Variants in SMG1 observed in about 807,000 individuals in gnomAD.
SMG1 encodes the protein SMG1 nonsense mediated mRNA decay associated PI3K related kinase.
In SMG1, 22 loss-of-function variants were observed where a neutral mutation model predicts 419.9. The ratio of observed to expected loss-of-function variants is 0.05; its 90% CI spans 0.04 to 0.07. The LOEUF is 0.07. SMG1 is among the 10% of genes least tolerant of loss of function. SMG1 has a pLI of 1.00. For synonymous variants in SMG1, 1,538 were observed against 1,553.5 expected, an observed-to-expected ratio of 0.99 and a Z score of 0.23; for missense variants, 3,185 against 4,342.0, an observed-to-expected ratio of 0.73 and a Z score of 7.49.
At chr16:18,861,989 AAAG>A (rs1215904975) in intron 25 of SMG1, among the ~76,000 whole-genome samples, 1 of 152,040 alleles carries the variant, frequency 6.6e-6, no homozygotes, top group African/African-American at 2.4e-5. Context: ...CCCTTGGCCA[AAAG>A]AACATAATCT....
chr16:18,914,845 A>C (rs1371517939), intron 1 of SMG1, among the ~76,000 whole-genome samples: 4 of 152,164 alleles, frequency 2.6e-5, no homozygotes, highest in African/African-American at 9.6e-5. Flanking sequence ...AGACAGATAC[A>C]ATAGACCCAA....
chr16:18,918,716 T>C (rs1252713082), intron 1 of SMG1, among the ~76,000 whole-genome samples: 1 of 152,140 alleles, frequency 6.6e-6, no homozygotes, highest in Non-Finnish European at 1.5e-5. Flanking sequence ...ATCCAGCTAA[T>C]TTTTGTATTT....
chr16:18,841,851 A>G, intron 40 of SMG1, 57 bp from the exon 41 acceptor site: 1 of 1,431,880 alleles, frequency 7.0e-7, no homozygotes, highest in Non-Finnish European at 9.8e-7. Context: ...TTGGGAGCAT[A>G]CCACTCCTCT....
chr16:18,807,685 G>GACGGCAACTAGAAAGTGACC lies in SMG1; in HGVS notation c.*1864_*1883dup, dbSNP rs1227280120. 1 of 152,110 alleles carries GACGGCAACTAGAAAGTGACC rather than the reference G, an allele frequency of 6.6e-6. No homozygotes were observed. Among genetic ancestry groups the GACGGCAACTAGAAAGTGACC allele is most frequent in the African/African-American group, 2.4e-5 (1 of 41,426 alleles). 9.4% of individuals were successfully genotyped at this position (152,110 alleles called of 1,614,324 possible). On this transcript the variant is annotated 3_prime_UTR_variant, in exon 63 of 63. Transcript: ENST00000446231. Reference sequence around the variant, plus strand: ...AATACCTTTCAAGTTTGTCTGTGAAGACGGCAACTAGAAAGTGACCACTGT... The same window carrying GACGGCAACTAGAAAGTGACC: ...AATACCTTTCAAGTTTGTCTGTGAAGACGGCAACTAGAAAGTGACCACGGCAACTAGAAAGTGACCACTGT...
intron 13 of SMG1, among the ~76,000 whole-genome samples, chr16:18,872,825 C>T (rs2035896289): frequency 6.6e-6 from 1 of 152,158 alleles, no homozygotes; most frequent in Admixed American, 6.5e-5. Flanking sequence ...CATCTCTATG[C>T]AATGCAGCAA....
chr16:18,810,127 CTTAA>C (rs1305045558), intron 62 of SMG1, among the ~76,000 whole-genome samples: 1 of 152,054 alleles, frequency 6.6e-6, no homozygotes, highest in Admixed American at 6.6e-5. Context: ...TATTCAGTCT[CTTAA>C]TTTTTATCCC....
In SMG1 at chr16:18,869,197, G is replaced by C; in HGVS notation, c.2740C>G (p.Gln914Glu). ...NLLKTDAVLW[Q>E]WAIWEAAQFT... ...TGTGCAGCTTCCCATATGGCCCACT[G>C]CCAAAGGACAGCATCTGTCTTCAGG... Residue 914 changes from glutamine to glutamate, a missense_variant, in exon 20 of 63, where the codon CAG (glutamine) becomes GAG (glutamate). Coordinates refer to ENST00000446231, the MANE Select transcript of SMG1 (RefSeq NM_015092.5). 1 of 1,611,726 alleles carries C rather than the reference G, an allele frequency of 6.2e-7. No individual in the cohort carries two copies.
chr16:18,829,674 CAA>C lies in SMG1; in HGVS notation c.9213_9214del (p.Cys3072PhefsTer3). The C allele has an allele frequency of 6.2e-7, 1 of 1,613,974 alleles. No individual in the cohort carries two copies. The highest frequency in any genetic ancestry group is 1.1e-5 in the South Asian group (1 of 91,084). On this transcript the variant is annotated frameshift_variant, in exon 54 of 63. Coordinates refer to ENST00000446231, the MANE Select transcript of SMG1 (RefSeq NM_015092.5). LOFTEE classifies it high-confidence loss of function. Reference sequence around the variant, plus strand: ...TTTGGCCATTTGGTCTTCACTGAAACAAGAGTTTCTAAAAAGGGTTTTCACAT... The same window carrying C: ...TTTGGCCATTTGGTCTTCACTGAAACGAGTTTCTAAAAAGGGTTTTCACAT...
rs1431594838 is a variant in SMG1 at position 18,815,522 on chromosome 16, C to T, written c.10432G>A (p.Gly3478Ser). 5.6e-6 allele frequency: 9 copies of T among 1,613,938 alleles called. No individual in the cohort carries two copies. Among genetic ancestry groups the T allele is most frequent in the Non-Finnish European group, 6.8e-6 (8 of 1,179,874 alleles). Residue 3478 changes from glycine (G) to serine (S), a missense_variant, in exon 59 of 63, where the codon GGT (glycine) becomes AGT (serine). Physicochemically the swap from Gly to Ser is moderately conservative, Grantham distance 56 (BLOSUM62 0). Transcript: ENST00000446231. Reference sequence around the variant, plus strand: ...ACGTGTTCTTGACTTCGAACCTGACCCATAGCCTGGACTAATGTAAATAGA... The same window carrying T: ...ACGTGTTCTTGACTTCGAACCTGACTCATAGCCTGGACTAATGTAAATAGA... ...TVLFTLVQAMGQVRSQEHVEM... is the reference protein window; with the variant it reads ...TVLFTLVQAMSQVRSQEHVEM...
rs749336150 is a variant in SMG1 at position 18,842,165 on chromosome 16, G to A, written c.6466+43C>T. 3 of 1,563,040 alleles carry A rather than the reference G, an allele frequency of 1.9e-6. No homozygotes were observed. The East Asian group carries it at 6.9e-5, about 36-fold the overall frequency. ...CCACACTCACACAAAGCATTAGTAA[G>A]ACTAATACTCTTCTGAAAAATGGAG... On this transcript the variant is annotated intron_variant, in intron 40 of 62. Coordinates refer to ENST00000446231, the MANE Select transcript of SMG1 (RefSeq NM_015092.5).
rs1567347613 is a variant in SMG1, at chr16:18,840,059, C to A, written c.6697-113G>T. On this transcript the variant is annotated intron_variant, in intron 41 of 62. Transcript: ENST00000446231. The stretch of plus-strand genomic sequence containing the variant: ...AAAAATGATTTTTCAGTAGCATTCT[C>A]TCATTACTCAACTAAATTTCATGTA... 21 of 783,176 alleles carry A rather than the reference C, an allele frequency of 2.7e-5. No individual in the cohort carries two copies. In the South Asian group the frequency reaches 3.7e-4, roughly 14 times the overall value. 48.5% of individuals were successfully genotyped at this position (783,176 alleles called of 1,614,324 possible).
intron 23 of SMG1, among the ~76,000 whole-genome samples, chr16:18,865,209 T>TA (rs1460480384): frequency 6.6e-6 from 1 of 152,300 alleles, no homozygotes; most frequent in Admixed American, 6.5e-5. Context: ...ATCCATGTTT[T>TA]AAAAAATCAC....
At chr16:18,863,148 C>A (rs1475485860) in intron 25 of SMG1, among the ~76,000 whole-genome samples, 2 of 152,210 alleles carry the variant, frequency 1.3e-5, no homozygotes, top group African/African-American at 4.8e-5. Context: ...GGGTATCAGA[C>A]AAAGTCTAAT....
chr16:18,916,069 C>CAAA (rs35871395), intron 1 of SMG1, among the ~76,000 whole-genome samples: 6,682 of 34,664 alleles, frequency 0.19, 596 homozygotes, highest in Non-Finnish European at 0.24. Context: ...CACTTCGTCT[C>CAAA]AAAAAAAAAA....
At chr16:18,813,222 C>G (rs998302309) in intron 60 of SMG1, among the ~76,000 whole-genome samples, 1 of 152,190 alleles carries the variant, frequency 6.6e-6, no homozygotes, top group African/African-American at 2.4e-5. Flanking sequence ...ATTTCTAGTT[C>G]TAGATCCCTG....
At chr16:18,898,453 A>C (rs563419801) in intron 1 of SMG1, among the ~76,000 whole-genome samples, 2 of 152,328 alleles carry the variant, frequency 1.3e-5, no homozygotes, top group African/African-American at 4.8e-5. Context: ...TACTAAGTCT[A>C]TAAGCATTAA....
intron 12 of SMG1, 92 bp from the exon 13 acceptor site, chr16:18,876,485 C>A: frequency 3.6e-6 from 5 of 1,380,562 alleles, no homozygotes; most frequent in Non-Finnish European, 3.9e-6. Flanking sequence ...TTAGTGCTGA[C>A]GATACAAATA....
At chr16:18,912,523 A>G (rs1479424765) in intron 1 of SMG1, among the ~76,000 whole-genome samples, 6 of 151,944 alleles carry the variant, frequency 3.9e-5, no homozygotes, top group African/African-American at 1.2e-4. Context: ...GGAGAACAAT[A>G]ATGATTAATT....
At chr16:18,853,381 AC>A (rs1411769631) in intron 31 of SMG1, among the ~76,000 whole-genome samples, 1 of 152,202 alleles carries the variant, frequency 6.6e-6, no homozygotes. Context: ...AAAAGCAAAT[AC>A]CTGGGGGCAG....
Sources: gnomAD v4.1 joint callset for allele counts (sites outside exome capture counted in the v4.1 genomes callset) on GRCh38, gnomAD v4.1.1 for gene constraint, MANE v1.5 for transcripts, NCBI Gene and HGNC (gene_info 2026-07-23, HGNC 2026-07-21) for gene names.